RAD50: variants seen among roughly 807,000 people sequenced by gnomAD.
The protein encoded by RAD50 is DNA repair protein RAD50.
A neutral mutation model predicts 168.8 loss-of-function variants in RAD50; 132 were observed. The ratio of observed to expected loss-of-function variants is 0.78; its 90% CI spans 0.68 to 0.90. The LOEUF (loss-of-function observed/expected upper bound fraction) is 0.90, where lower values mean the gene tolerates loss of function less well. Among genes scored for constraint, RAD50 ranks in the 40% least tolerant of loss-of-function variants. RAD50 has a pLI of 0.00. For synonymous variants in RAD50, 525 were observed against 497.4 expected (o/e 1.06, Z -0.74); for missense variants, 1,347 against 1,534.4 (o/e 0.88, Z 2.04).
At chr5:132,568,016 G>T (rs1253824887) in intron 2 of RAD50, among the ~76,000 whole-genome samples, 1 of 152,116 alleles carries the variant, frequency 6.6e-6, no homozygotes, top group Non-Finnish European at 1.5e-5. Context: ...AGTAGAAGCA[G>T]ATCCAGAGAT....
At chr5:132,567,835 C>T (rs1750234296) in intron 2 of RAD50, among the ~76,000 whole-genome samples, 1 of 152,136 alleles carries the variant, frequency 6.6e-6, no homozygotes, top group South Asian at 2.1e-4. Flanking sequence ...TAGAATCAAG[C>T]TGAGTTGCCA....
At chr5:132,581,014 G>T (rs1338165442) in intron 5 of RAD50, among the ~76,000 whole-genome samples, 1 of 152,086 alleles carries the variant, frequency 6.6e-6, no homozygotes, top group African/African-American at 2.4e-5. Context: ...AGGGCTTCTG[G>T]GAGGAGGTAG....
Position 132,645,236 on chromosome 5 carries a change from A to G in RAD50, c.*2872A>G, listed in dbSNP as rs1479591156. On this transcript the variant is annotated 3_prime_UTR_variant, in exon 25 of 25. Transcript: ENST00000378823. ...ACCCCACTGAGATTTCAATCCATTG[A>G]TTCTATGGCTTTTTCACAGGTTGTT... 1.3e-5 allele frequency: 2 copies of G among 152,092 alleles called. No homozygotes were observed. The highest frequency in any genetic ancestry group is 2.9e-5 in the Non-Finnish European group (2 of 68,028). The allele number at this position is 152,092 out of a possible 1,614,324, so 9.4% of individuals were successfully genotyped here. A position where few individuals can be genotyped will look rare whatever the true frequency, so the allele number is the denominator to read the frequency against.
At chr5:132,568,531 T>C (rs1750248246) in intron 2 of RAD50, among the ~76,000 whole-genome samples, 1 of 152,192 alleles carries the variant, frequency 6.6e-6, no homozygotes, top group Admixed American at 6.5e-5. Flanking sequence ...AACATAACTA[T>C]GTTGTACATT....
intron 24 of RAD50, 34 bp downstream of exon 24, chr5:132,640,839 A>C (rs1479715725): frequency 6.2e-7 from 1 of 1,613,480 alleles, no homozygotes; most frequent in African/African-American, 1.3e-5. Context: ...TGGTTGAGTA[A>C]GTATCTCACA....
intron 2 of RAD50, among the ~76,000 whole-genome samples, chr5:132,562,736 C>T (rs904946887): frequency 5.9e-5 from 9 of 151,986 alleles, no homozygotes; most frequent in African/African-American, 2.2e-4. Context: ...ACAGGTAGTT[C>T]CACATAGTTA....
chr5:132,617,521 G>A (rs1040989643), intron 20 of RAD50, among the ~76,000 whole-genome samples: 2 of 152,142 alleles, frequency 1.3e-5, no homozygotes, highest in Non-Finnish European at 2.9e-5. Context: ...TATCAGAAAA[G>A]TTTGAATATT....
rs1407072351 is a variant in RAD50, at chr5:132,646,321, T to C, written c.*3957T>C. 2 of 152,218 alleles carry C rather than the reference T, an allele frequency of 1.3e-5. No individual in the cohort carries two copies. Among genetic ancestry groups the C allele is most frequent in the Admixed American group, 6.5e-5 (1 of 15,282 alleles). 9.4% of individuals were successfully genotyped at this position (152,218 alleles called of 1,614,324 possible). ...CATCTATCTGCACTTGAATATCTAATAAACGTCTAAAACTTAAAATGACCA... is the reference window on the plus strand; with the variant it reads ...CATCTATCTGCACTTGAATATCTAACAAACGTCTAAAACTTAAAATGACCA... On this transcript the variant is annotated 3_prime_UTR_variant, in exon 25 of 25. Coordinates refer to ENST00000378823, the MANE Select transcript of RAD50 (RefSeq NM_005732.4).
chr5:132,609,029 A>G (rs1321840377), intron 17 of RAD50, 88 bp from the exon 18 acceptor site: 19 of 1,548,028 alleles, frequency 1.2e-5, no homozygotes, highest in Non-Finnish European at 1.7e-5. Context: ...CCCAATGTTC[A>G]TAACTTCCCA....
chr5:132,614,668 A>T (rs1461470540), intron 19 of RAD50, among the ~76,000 whole-genome samples: 3 of 152,040 alleles, frequency 2.0e-5, no homozygotes, highest in Non-Finnish European at 2.9e-5. Flanking sequence ...GTATTATTTT[A>T]AATTTGTATT....
intron 2 of RAD50, among the ~76,000 whole-genome samples, chr5:132,568,051 A>T (rs1337465764): frequency 2.6e-5 from 4 of 152,022 alleles, no homozygotes; most frequent in Admixed American, 2.6e-4. Flanking sequence ...TTAGCAGACA[A>T]GGATTTTTTT....
chr5:132,604,530 G>C (rs1224185848), intron 15 of RAD50, among the ~76,000 whole-genome samples: 1 of 152,106 alleles, frequency 6.6e-6, no homozygotes, highest in Non-Finnish European at 1.5e-5. Context: ...GTCTCCCAAA[G>C]TGCTGGGATT....
At chr5:132,636,703 C>T (rs1033895120) in intron 21 of RAD50, among the ~76,000 whole-genome samples, 3 of 152,192 alleles carry the variant, frequency 2.0e-5, no homozygotes, top group African/African-American at 4.8e-5. Flanking sequence ...AACTCCCTGT[C>T]GTCCATTCAG....
chr5:132,642,204 G>T lies in RAD50; in HGVS notation c.3779G>T (p.Arg1260Leu), dbSNP rs367683141. ...ATAATAAAAAGTCGCTCACAGCAGC[G>T]TAACTTCCAGCTTCTGGTAATCACT... is the stretch of plus-strand genomic sequence containing the variant. ...VEIIKSRSQQRNFQLLVITHD... is the reference protein window; with the variant it reads ...VEIIKSRSQQLNFQLLVITHD... The change falls in exon 25 of 25, where the codon CGT (arginine) becomes CTT (leucine). Residue 1260 changes from arginine to leucine, a missense_variant. Around this residue, in one of 3 missense-constraint regions of RAD50, gnomAD observed 635 missense variants for 739.2 expected, o/e 0.86. Coordinates refer to ENST00000378823, the MANE Select transcript of RAD50 (RefSeq NM_005732.4). The T allele has an allele frequency of 6.2e-7, 1 of 1,614,142 alleles. No homozygotes were observed. The highest frequency in any genetic ancestry group is 1.3e-5 in the African/African-American group (1 of 75,062).
At chr5:132,579,195 C>T (rs1029617609) in intron 3 of RAD50, 122 bp from the exon 4 acceptor site, 31 of 971,830 alleles carry the variant, frequency 3.2e-5, no homozygotes, top group Admixed American at 1.9e-4. Flanking sequence ...CCATTTCTAA[C>T]GGGATAGGTG....
At chr5:132,621,065 T>TCAAA (rs1051962847) in intron 21 of RAD50, among the ~76,000 whole-genome samples, 1 of 152,202 alleles carries the variant, frequency 6.6e-6, no homozygotes, top group African/African-American at 2.4e-5. Flanking sequence ...AAGGATCGGT[T>TCAAA]GTATTCTACT....
At chr5:132,579,221 T>A (rs1443442998) in intron 3 of RAD50, 96 bp from the exon 4 acceptor site, 25 of 1,311,182 alleles carry the variant, frequency 1.9e-5, no homozygotes, top group African/African-American at 4.5e-5. Flanking sequence ...CCTTTTTTTT[T>A]ATTCTTTTAA....
intron 19 of RAD50, among the ~76,000 whole-genome samples, chr5:132,611,678 C>A (rs921869950): frequency 2.7e-4 from 39 of 146,816 alleles, no homozygotes; most frequent in Admixed American, 2.5e-3. Flanking sequence ...TGCACTCCAG[C>A]CTGGGTGACA....
Position 132,592,922 on chromosome 5 carries a change from A to G in RAD50, c.1793+888A>G, listed in dbSNP as rs545907294. 9 of 469,640 alleles carry G rather than the reference A, an allele frequency of 1.9e-5. No individual in the cohort carries two copies. In the East Asian group the frequency reaches 4.9e-4, roughly 25 times the overall value. The allele number at this position is 469,640 out of a possible 1,614,324, so 29.1% of individuals were successfully genotyped here. A position where few individuals can be genotyped will look rare whatever the true frequency, so the allele number is the denominator to read the frequency against. On this transcript the variant is annotated intron_variant, in intron 11 of 24. Transcript: ENST00000378823. ...ATCCATCAAGTAGAACGTTTACTCAACTTTAATTTTTCAGTCAGAATTGTG... is the reference window on the plus strand; with the variant it reads ...ATCCATCAAGTAGAACGTTTACTCAGCTTTAATTTTTCAGTCAGAATTGTG...
Sources: gnomAD v4.1 joint callset for allele counts (sites outside exome capture counted in the v4.1 genomes callset) on GRCh38, gnomAD v4.1.1 for gene constraint, gnomAD v4.1.1 regional missense constraint, MANE v1.5 for transcripts, NCBI Gene and HGNC (gene_info 2026-07-23, HGNC 2026-07-21) for gene names.